The following AGR3 variants were observed in gnomAD, a reference collection of about 807,000 sequenced individuals.
The protein encoded by AGR3 is anterior gradient 3, protein disulphide isomerase family member, also known as anterior gradient protein 3.
Under a neutral mutation model 24.5 loss-of-function variants are expected in AGR3, and 37 were observed. The observed-to-expected ratio is 1.51, with a 90% CI of 1.16 to 1.99. The LOEUF is 1.99. Among genes scored for constraint, AGR3 ranks in the 30% most tolerant of loss-of-function variants. The probability of loss-of-function intolerance (pLI) is 0.00; values close to 1 mark genes in which losing one functional copy is unlikely to be tolerated. For synonymous variants in AGR3, 75 were observed against 61.6 expected (o/e 1.22, Z -1.02); for missense variants, 228 against 191.1 (o/e 1.19, Z -1.14).
intron 3 of AGR3, among the ~76,000 whole-genome samples, chr7:16,873,211 G>A (rs1781918479): frequency 1.3e-5 from 2 of 152,106 alleles, no homozygotes; most frequent in South Asian, 2.1e-4. Context: ...ATCAATGGAT[G>A]GATGGATAAA....
chr7:16,874,119 T>A (rs1781941399), intron 2 of AGR3, among the ~76,000 whole-genome samples: 1 of 152,234 alleles, frequency 6.6e-6, no homozygotes, highest in African/African-American at 2.4e-5. Flanking sequence ...TTAGAGCTGA[T>A]TGAAAGGACA....
intron 3 of AGR3, chr7:16,864,388 C>T (rs1243837754): frequency 2.3e-6 from 3 of 1,301,484 alleles, no homozygotes; most frequent in Non-Finnish European, 3.3e-6. Context: ...AGGAAGAGAC[C>T]AGGTTTCCAG....
intron 3 of AGR3, among the ~76,000 whole-genome samples, chr7:16,869,673 G>GC (rs1781827707): frequency 7.9e-6 from 1 of 125,922 alleles, no homozygotes; most frequent in Non-Finnish European, 1.6e-5. Context: ...TTGTGAGTTT[G>GC]TTTTTTTTTT....
intron 2 of AGR3, among the ~76,000 whole-genome samples, chr7:16,877,061 G>T (rs892306165): frequency 1.3e-5 from 2 of 151,816 alleles, no homozygotes; most frequent in Non-Finnish European, 1.5e-5. Flanking sequence ...TTGACTTTCT[G>T]TATATATAGA....
chr7:16,871,453 G>A (rs577096975), intron 3 of AGR3, among the ~76,000 whole-genome samples: 2 of 152,148 alleles, frequency 1.3e-5, no homozygotes, highest in Admixed American at 1.3e-4. Context: ...ACGGAGAGTG[G>A]AGGATACAAA....
At chr7:16,865,858 T>C in intron 3 of AGR3, 1 of 735,176 alleles carries the variant, frequency 1.4e-6, no homozygotes, top group Non-Finnish European at 2.5e-6. Flanking sequence ...TCTCCTTTGA[T>C]AGCGTTTTTT....
chr7:16,861,516 G>T (rs1781643793), intron 5 of AGR3, 69 bp from the exon 6 acceptor site: 4 of 1,321,420 alleles, frequency 3.0e-6, no homozygotes, highest in Middle Eastern at 1.9e-4. Context: ...AGATGATTTT[G>T]TGTGACTGTC....
downstream of AGR3, among the ~76,000 whole-genome samples, chr7:16,855,702 CAGTA>C (rs1781548805): frequency 6.6e-6 from 1 of 152,132 alleles, no homozygotes; most frequent in African/African-American, 2.4e-5. Flanking sequence ...TTTCTTTACT[CAGTA>C]AGGAGGTTCA....
intron 1 of AGR3, among the ~76,000 whole-genome samples, chr7:16,881,044 G>C (rs1294754427): frequency 6.6e-6 from 1 of 152,064 alleles, no homozygotes; most frequent in Non-Finnish European, 1.5e-5. Flanking sequence ...ATTCTTCCAG[G>C]GATCTTGGAT....
intron 3 of AGR3, among the ~76,000 whole-genome samples, chr7:16,867,793 C>A (rs1282417872): frequency 2.0e-5 from 3 of 152,266 alleles, no homozygotes; most frequent in African/African-American, 2.4e-5. Context: ...TCTCCAGGTT[C>A]TTCTATGTTG....
chr7:16,859,879 T>A (rs1039974441), intron 7 of AGR3, among the ~76,000 whole-genome samples: 2 of 152,202 alleles, frequency 1.3e-5, no homozygotes, highest in African/African-American at 2.4e-5. Context: ...CCTCTTTTTT[T>A]TTAATGCATC....
chr7:16,876,489 A>T (rs182804669), intron 2 of AGR3, among the ~76,000 whole-genome samples: 4 of 151,786 alleles, frequency 2.6e-5, no homozygotes, highest in African/African-American at 4.8e-5. Flanking sequence ...TTTTCTCCTT[A>T]CTGCCTTCTC....
At position 16,881,615 on chromosome 7, in the gene AGR3, C is replaced by T. The variant is rs755930066; in HGVS notation, c.-28+329G>A. 1.1e-4 allele frequency among the ~76,000 whole-genome samples: 17 copies of T among 151,982 alleles called. No homozygotes were observed. In the East Asian group the frequency reaches 2.5e-3, roughly 22 times the overall value. ...ATTTTATTTTTCAAAAGTAATTTAACGTAAGTAACTGATATTATAAGTTCC... is the reference window on the plus strand; with the variant it reads ...ATTTTATTTTTCAAAAGTAATTTAATGTAAGTAACTGATATTATAAGTTCC... On this transcript the variant is annotated intron_variant, in intron 1 of 7. Transcript: ENST00000310398.
At chr7:16,864,338 G>T in intron 3 of AGR3, 1 of 1,359,988 alleles carries the variant, frequency 7.4e-7, no homozygotes, top group Non-Finnish European at 1.1e-6. Context: ...AAGAGCTGAG[G>T]CTGGCTGGCA....
At chr7:16,866,354 A>G (rs1158267365) in intron 3 of AGR3, 4 of 396,554 alleles carry the variant, frequency 1.0e-5, no homozygotes, top group Admixed American at 9.4e-5. Flanking sequence ...CCTGTAGTAC[A>G]TTAAACTATA....
intron 3 of AGR3, among the ~76,000 whole-genome samples, chr7:16,869,534 T>C (rs573923200): frequency 1.3e-5 from 2 of 152,084 alleles, no homozygotes; most frequent in African/African-American, 2.4e-5. Context: ...TTGAGACTAG[T>C]CTGGGCAACA....
At chr7:16,859,215 T>C (rs1044667274), downstream of AGR3, among the ~76,000 whole-genome samples, 9 of 148,198 alleles carry the variant, frequency 6.1e-5, no homozygotes, top group Admixed American at 4.8e-4. Flanking sequence ...CTGGGCAACA[T>C]AGTGAGACTG....
downstream of AGR3, among the ~76,000 whole-genome samples, chr7:16,854,749 G>C (rs1781532499): frequency 6.6e-6 from 1 of 152,200 alleles, no homozygotes; most frequent in African/African-American, 2.4e-5. Context: ...GGTGTTGGCA[G>C]GGTTGGTTCC....
intron 3 of AGR3, among the ~76,000 whole-genome samples, chr7:16,867,480 A>G (rs959848873): frequency 6.6e-6 from 1 of 152,212 alleles, no homozygotes; most frequent in Non-Finnish European, 1.5e-5. Context: ...GCTATTTAAC[A>G]TATTCATCAT....
Sources: gnomAD v4.1 joint callset for allele counts (sites outside exome capture counted in the v4.1 genomes callset) on GRCh38, gnomAD v4.1.1 for gene constraint, MANE v1.5 for transcripts, NCBI Gene and HGNC (gene_info 2026-07-23, HGNC 2026-07-21) for gene names.